UNC5D: variants seen among roughly 807,000 people sequenced by gnomAD.
The protein encoded by UNC5D is unc-5 netrin receptor D.
In UNC5D, 39 loss-of-function variants were observed where a neutral mutation model predicts 105.4. The observed-to-expected ratio is 0.37, with a 90% CI of 0.29 to 0.48. The LOEUF is 0.48. Ranked by LOEUF, UNC5D falls within the 20% of genes least tolerant of loss-of-function variation. The probability of loss-of-function intolerance (pLI) is 0.98; values close to 1 mark genes in which losing one functional copy is unlikely to be tolerated. For synonymous variants in UNC5D, 452 were observed against 450.4 expected (o/e 1.00, Z -0.04); for missense variants, 991 against 1,202.4 (o/e 0.82, Z 2.60).
intron 1 of UNC5D, among the ~76,000 whole-genome samples, chr8:35,381,068 T>C (rs956650217): frequency 6.9e-6 from 1 of 145,906 alleles, no homozygotes; most frequent in Non-Finnish European, 1.5e-5. Flanking sequence ...AGTGAGTGAA[T>C]GTGTGTGTGT....
intron 4 of UNC5D, 52 bp from the exon 5 acceptor site, chr8:35,683,495 A>C (rs553970502): frequency 7.5e-5 from 114 of 1,528,718 alleles, no homozygotes; most frequent in Admixed American, 3.1e-4. Context: ...TCAATTCCAG[A>C]AAAGAGTTCT....
At chr8:35,545,602 G>C (rs999111951) in intron 1 of UNC5D, among the ~76,000 whole-genome samples, 9 of 152,026 alleles carry the variant, frequency 5.9e-5, no homozygotes, top group African/African-American at 2.2e-4. Context: ...AGGCAGGGCG[G>C]GCTACAGGGA....
intron 3 of UNC5D, among the ~76,000 whole-genome samples, chr8:35,574,102 T>C (rs1817935121): frequency 1.3e-5 from 2 of 152,232 alleles, no homozygotes; most frequent in Admixed American, 1.3e-4. Context: ...ATTCAATTAT[T>C]TGTAGTTGTT....
intron 1 of UNC5D, among the ~76,000 whole-genome samples, chr8:35,378,393 C>A (rs1302980968): frequency 6.6e-6 from 1 of 152,168 alleles, no homozygotes; most frequent in East Asian, 1.9e-4. Context: ...ACTTGAAGAG[C>A]AAGTAGTGCA....
chr8:35,455,074 T>G (rs1273918142), intron 1 of UNC5D, among the ~76,000 whole-genome samples: 1 of 152,146 alleles, frequency 6.6e-6, no homozygotes, highest in African/African-American at 2.4e-5. Flanking sequence ...CTATAGAGAC[T>G]TATAGGTTTA....
At chr8:35,293,798 T>C (rs529395332) in intron 1 of UNC5D, among the ~76,000 whole-genome samples, 3 of 152,354 alleles carry the variant, frequency 2.0e-5, no homozygotes, top group Admixed American at 6.5e-5. Context: ...GTCCTCTCAA[T>C]TGGGGCTCTC....
chr8:35,528,191 C>A (rs1487311706), intron 1 of UNC5D, among the ~76,000 whole-genome samples: 1 of 150,566 alleles, frequency 6.6e-6, no homozygotes, highest in African/African-American at 2.4e-5. Context: ...TGCTATCCCT[C>A]CCCGCTCCCC....
chr8:35,580,590 A>G (rs1818417662), intron 3 of UNC5D, among the ~76,000 whole-genome samples: 1 of 152,108 alleles, frequency 6.6e-6, no homozygotes, highest in African/African-American at 2.4e-5. Context: ...CCCATGAGGG[A>G]GAAGGGAAAG....
chr8:35,494,458 A>AT (rs1281675252), intron 1 of UNC5D, among the ~76,000 whole-genome samples: 1 of 152,150 alleles, frequency 6.6e-6, no homozygotes, highest in African/African-American at 2.4e-5. Flanking sequence ...CTGCTACAAT[A>AT]TTTTTTGTTA....
At chr8:35,525,702 T>C (rs1586047613) in intron 1 of UNC5D, 1 of 1,601,152 alleles carries the variant, frequency 6.2e-7, no homozygotes, top group Non-Finnish European at 8.5e-7. Flanking sequence ...CCGCTGCTCC[T>C]GGCACGTCCG....
rs10552113 is a variant in UNC5D, at chr8:35,697,140, T to TAC, written c.1085-8769_1085-8768dup. Among the ~76,000 whole-genome samples the TAC allele has an allele frequency of 7.0e-3, 1,034 of 148,312 alleles. 5 individuals are homozygous for TAC. The highest frequency in any genetic ancestry group is 0.012 in the South Asian group (57 of 4,682). ...AGATACACATACTTATATATATACA[T>TAC]ACACACACACACACACACACAACAT... is the stretch of plus-strand genomic sequence containing the variant. On this transcript the variant is annotated intron_variant, in intron 7 of 16. Coordinates refer to ENST00000404895, the MANE Select transcript of UNC5D (RefSeq NM_080872.4).
At chr8:35,416,597 C>T (rs1312331321) in intron 1 of UNC5D, among the ~76,000 whole-genome samples, 1 of 152,094 alleles carries the variant, frequency 6.6e-6, no homozygotes, top group African/African-American at 2.4e-5. Flanking sequence ...AGGTGGCCTT[C>T]CTGTTTTTCA....
At chr8:35,731,513 A>C (rs931996615) in intron 11 of UNC5D, among the ~76,000 whole-genome samples, 4 of 151,580 alleles carry the variant, frequency 2.6e-5, no homozygotes, top group African/African-American at 9.7e-5. Context: ...TAGATAGATG[A>C]GATCATGAAC....
At chr8:35,361,703 C>T (rs1011181244) in intron 1 of UNC5D, among the ~76,000 whole-genome samples, 3 of 152,150 alleles carry the variant, frequency 2.0e-5, no homozygotes, top group African/African-American at 7.2e-5. Flanking sequence ...GCTTCTCTTT[C>T]ATTCCTCAGA....
chr8:35,551,823 A>G (rs1816166769), intron 2 of UNC5D, among the ~76,000 whole-genome samples: 1 of 152,040 alleles, frequency 6.6e-6, no homozygotes, highest in Non-Finnish European at 1.5e-5. Context: ...TCTAAAAAAA[A>G]AAAGAAAAAA....
intron 11 of UNC5D, among the ~76,000 whole-genome samples, chr8:35,748,143 T>C (rs1830093056): frequency 6.6e-6 from 1 of 152,244 alleles, no homozygotes; most frequent in South Asian, 2.1e-4. Flanking sequence ...GGTAATGAGA[T>C]GACCAGACCA....
At chr8:35,246,826 T>C (rs1270542581) in intron 1 of UNC5D, among the ~76,000 whole-genome samples, 1 of 152,146 alleles carries the variant, frequency 6.6e-6, no homozygotes, top group East Asian at 1.9e-4. Flanking sequence ...CATACAACAC[T>C]TTTTCTAGAT....
rs909594703 is a variant in UNC5D at position 35,303,129 on chromosome 8, A to T, written c.103+67242A>T. On this transcript the variant is annotated intron_variant, in intron 1 of 16. Coordinates refer to ENST00000404895, the MANE Select transcript of UNC5D (RefSeq NM_080872.4). Reference sequence around the variant, plus strand: ...TTAATGAGGTATTTTTCTTTTTTTAATATACTAAGTCTTTGAAATCAGTGC... The same window carrying T: ...TTAATGAGGTATTTTTCTTTTTTTATTATACTAAGTCTTTGAAATCAGTGC... Among the ~76,000 whole-genome samples, 7 of 152,208 alleles carry T rather than the reference A, an allele frequency of 4.6e-5. No individual in the cohort carries two copies. In the East Asian group the frequency reaches 1.3e-3, roughly 29 times the overall value.
intron 1 of UNC5D, among the ~76,000 whole-genome samples, chr8:35,268,755 A>G (rs1805067278): frequency 6.6e-6 from 1 of 152,162 alleles, no homozygotes; most frequent in Non-Finnish European, 1.5e-5. Context: ...AATGCTCATA[A>G]CACCCCTATG....
Sources: gnomAD v4.1 joint callset for allele counts (sites outside exome capture counted in the v4.1 genomes callset) on GRCh38, gnomAD v4.1.1 for gene constraint, MANE v1.5 for transcripts, NCBI Gene and HGNC (gene_info 2026-07-23, HGNC 2026-07-21) for gene names.